The following PHLDB3 variants were observed in gnomAD, a reference collection of about 807,000 sequenced individuals.
PHLDB3 encodes pleckstrin homology like domain family B member 3.
A neutral mutation model predicts 85.7 loss-of-function variants in PHLDB3; 86 were observed. The observed-to-expected ratio is 1.00, with a 90% CI of 0.84 to 1.20. The LOEUF is 1.20. Among genes scored for constraint, PHLDB3 ranks in the 50% most tolerant of loss-of-function variants. The probability of loss-of-function intolerance (pLI) is 0.00; values close to 1 mark genes in which losing one functional copy is unlikely to be tolerated. For missense variants in PHLDB3, 995 were observed against 873.0 expected (o/e 1.14, Z -1.76); for synonymous variants, 376 against 349.8 (o/e 1.07, Z -0.83).
intron 13 of PHLDB3, among the ~76,000 whole-genome samples, chr19:43,483,703 T>G (rs1225726094): frequency 6.6e-6 from 1 of 152,226 alleles, no homozygotes; most frequent in African/African-American, 2.4e-5. Flanking sequence ...GATAAATTAT[T>G]TGATTATTTC....
At chr19:43,495,455 A>G in intron 7 of PHLDB3, 40 bp downstream of exon 7, 1 of 1,604,354 alleles carries the variant, frequency 6.2e-7, no homozygotes, top group Non-Finnish European at 8.5e-7. Context: ...CCCAGGGGGA[A>G]GTGAGGACGG....
rs1271056391 is a variant in PHLDB3 at position 43,502,131 on chromosome 19, T to C, written c.366A>G (p.Leu122=). 1 of 1,580,228 alleles carries C rather than the reference T, an allele frequency of 6.3e-7. No individual in the cohort carries two copies. Among genetic ancestry groups the C allele is most frequent in the South Asian group, 1.2e-5 (1 of 86,178 alleles). The part of the protein sequence containing the change: ...VALMEQRVKE[L]QRQRKELRIE... ...TCCTCAGCTCCTTCCTCTGGCGCTG[T>C]AGCTCCTTCACTCGCTGCTCCATCA... The change falls in exon 3 of 16, where the codon CTA becomes CTG. Residue 122 remains leucine, a synonymous_variant. Coordinates refer to ENST00000292140, the MANE Select transcript of PHLDB3 (RefSeq NM_198850.4).
In PHLDB3 at chr19:43,497,883, G is replaced by A; in HGVS notation, c.535-7C>T. Reference sequence around the variant, plus strand: ...GGCTCAGCCGCCTCTGTTCCTGAAAGAACAACAAGGTTCTCACCCTCAGCT... The same window carrying A: ...GGCTCAGCCGCCTCTGTTCCTGAAAAAACAACAAGGTTCTCACCCTCAGCT... On this transcript the variant is annotated splice_region_variant and splice_polypyrimidine_tract_variant and intron_variant, in intron 4 of 15. Transcript: ENST00000292140. 2 of 1,589,292 alleles carry A rather than the reference G, an allele frequency of 1.3e-6. No individual in the cohort carries two copies. Among genetic ancestry groups the A allele is most frequent in the Non-Finnish European group, 1.7e-6 (2 of 1,168,620 alleles).
Position 43,480,820 on chromosome 19 carries a change from C to A in PHLDB3, c.1486-1227G>T, listed in dbSNP as rs528485068. 2.0e-5 allele frequency among the ~76,000 whole-genome samples: 3 copies of A among 152,196 alleles called. No individual in the cohort carries two copies. In the East Asian group the frequency reaches 5.8e-4, roughly 29 times the overall value. On this transcript the variant is annotated intron_variant, in intron 13 of 15. Coordinates refer to ENST00000292140, the MANE Select transcript of PHLDB3 (RefSeq NM_198850.4). ...CCAGAGCTGACAGAGCCAGGACTCA[C>A]CAGGTAGAGTGGTCACCTCAGATGG... is the stretch of plus-strand genomic sequence containing the variant.
Position 43,504,052 on chromosome 19 carries a change from C to A in PHLDB3, c.67G>T (p.Val23Phe), listed in dbSNP as rs1302842812. ...PPLVPECDVE[V>F]QPQGHPEESR... is the part of the protein sequence containing the mutation. ...TCCTCGGGATGGCCCTGGGGCTGGA[C>A]CTCCACGTCGCATTCCGGGACCAGC... The change falls in exon 2 of 16, where the codon GTC (valine) becomes TTC (phenylalanine). Residue 23 changes from valine to phenylalanine, a missense_variant. Transcript: ENST00000292140. The A allele has an allele frequency of 1.9e-6, 3 of 1,613,638 alleles. No homozygotes were observed. The highest frequency in any genetic ancestry group is 1.3e-5 in the African/African-American group (1 of 74,938).
chr19:43,498,390 A>T (rs2682550), intron 4 of PHLDB3, among the ~76,000 whole-genome samples: 56,393 of 149,908 alleles, frequency 0.38, 10,727 homozygotes, highest in Non-Finnish European at 0.42. Context: ...GAAAGAGGGA[A>T]GGAACGAAGG....
chr19:43,497,724 A>C (rs759095943), intron 5 of PHLDB3, 24 bp downstream of exon 5: 3 of 1,546,438 alleles, frequency 1.9e-6, no homozygotes, highest in Non-Finnish European at 2.6e-6. Flanking sequence ...AAAAAACAAA[A>C]AAGAAAGAAC....
rs1030947435 is a variant in PHLDB3 at position 43,504,194 on chromosome 19, G to C, written c.-14-62C>G. 3.5e-6 allele frequency: 5 copies of C among 1,432,344 alleles called. No individual in the cohort carries two copies. The African/African-American group carries it at 7.2e-5, about 21-fold the overall frequency. The allele number at this position is 1,432,344 out of a possible 1,614,324, so 88.7% of individuals were successfully genotyped here. On this transcript the variant is annotated intron_variant, in intron 1 of 15. Coordinates refer to ENST00000292140, the MANE Select transcript of PHLDB3 (RefSeq NM_198850.4). ...GGCCTAGGACGGCTGAGCGCCGCTC[G>C]CGTCTGCTCCGGGGCGCGGAGACCC...
At chr19:43,481,660 G>A (rs1424466139) in intron 13 of PHLDB3, among the ~76,000 whole-genome samples, 1 of 152,032 alleles carries the variant, frequency 6.6e-6, no homozygotes, top group East Asian at 1.9e-4. Context: ...CAGGCATGGT[G>A]GTGTGTGCCT....
intron 6 of PHLDB3, chr19:43,496,097 A>G (rs956997564): frequency 1.4e-5 from 2 of 146,192 alleles, no homozygotes; most frequent in South Asian, 2.1e-4. Context: ...GCTCACCGCC[A>G]CCTCCGCCTC....
At chr19:43,504,503 T>C (rs1568488232) in intron 1 of PHLDB3, 86 bp downstream of exon 1, 1 of 256,202 alleles carries the variant, frequency 3.9e-6, no homozygotes. Flanking sequence ...GACTCAGCAG[T>C]TCGGCTCCCG....
chr19:43,482,572 T>G (rs1971070039), intron 13 of PHLDB3, among the ~76,000 whole-genome samples: 1 of 152,212 alleles, frequency 6.6e-6, no homozygotes, highest in Non-Finnish European at 1.5e-5. Flanking sequence ...AGAGTCTCGC[T>G]CTGTCACCCA....
chr19:43,499,676 A>G (rs997304402), intron 4 of PHLDB3, among the ~76,000 whole-genome samples: 1 of 152,044 alleles, frequency 6.6e-6, no homozygotes, highest in Non-Finnish European at 1.5e-5. Flanking sequence ...CCATTTTCCA[A>G]CCTATAATGG....
intron 15 of PHLDB3, among the ~76,000 whole-genome samples, 166 bp from the exon 16 acceptor site, chr19:43,475,710 G>A (rs1310861499): frequency 1.3e-5 from 2 of 152,134 alleles, no homozygotes; most frequent in Non-Finnish European, 2.9e-5. Context: ...ACCTCACTGG[G>A]TTATAAGGAT....
At chr19:43,482,364 T>C (rs1464328440) in intron 13 of PHLDB3, among the ~76,000 whole-genome samples, 2 of 152,050 alleles carry the variant, frequency 1.3e-5, no homozygotes, top group African/African-American at 4.8e-5. Context: ...GCCCTCAGGG[T>C]CTCTCACCTA....
Position 43,479,449 on chromosome 19 carries a change from C to T in PHLDB3, c.1630G>A (p.Gly544Ser), listed in dbSNP as rs755810247. ...CGCTTCCTCCAGGTCTTGATGCGGC[C>T]GCCCATCTTCACCAGGGGTCCACGG... is the stretch of plus-strand genomic sequence containing the variant. The part of the protein sequence containing the change: ...CCRGPLVKMG[G>S]RIKTWRKRWF... The change falls in exon 14 of 16, where the codon GGC becomes AGC. Residue 544 changes from glycine to serine, a missense_variant. Transcript: ENST00000292140. 2 of 1,565,898 alleles carry T rather than the reference C, an allele frequency of 1.3e-6. No homozygotes were observed. Among genetic ancestry groups the T allele is most frequent in the Non-Finnish European group, 1.7e-6 (2 of 1,155,702 alleles).
intron 6 of PHLDB3, 111 bp from the exon 7 acceptor site, chr19:43,495,731 A>G: frequency 7.0e-7 from 1 of 1,424,646 alleles, no homozygotes; most frequent in Non-Finnish European, 9.3e-7. Context: ...CCCAGAGACC[A>G]TGGGATCGGA....
chr19:43,503,365 C>T (rs547846117), intron 2 of PHLDB3, among the ~76,000 whole-genome samples: 10 of 151,846 alleles, frequency 6.6e-5, no homozygotes, highest in Non-Finnish European at 1.5e-4. Flanking sequence ...TGCAGTGGCG[C>T]AGTCATAGTT....
intron 9 of PHLDB3, among the ~76,000 whole-genome samples, chr19:43,492,199 T>C (rs1971335837): frequency 1.3e-5 from 2 of 150,904 alleles, no homozygotes; most frequent in African/African-American, 4.9e-5. Context: ...GCTCCGCCTG[T>C]CTCCGCCTCC....
Sources: gnomAD v4.1 joint callset for allele counts (sites outside exome capture counted in the v4.1 genomes callset) on GRCh38, gnomAD v4.1.1 for gene constraint, MANE v1.5 for transcripts, NCBI Gene and HGNC (gene_info 2026-07-23, HGNC 2026-07-21) for gene names.